The following MYO9A variants were observed in gnomAD, a reference collection of about 807,000 sequenced individuals.
MYO9A encodes unconventional myosin-IXa.
MYO9A carries 103 observed loss-of-function variants against 293.3 expected under a neutral mutation model. The ratio of observed to expected loss-of-function variants is 0.35; its 90% CI spans 0.30 to 0.41. MYO9A has a LOEUF of 0.41. Among genes scored for constraint, MYO9A ranks in the 10% least tolerant of loss-of-function variants. The pLI is 1.00. For synonymous variants in MYO9A, 1,001 were observed against 1,035.7 expected, an observed-to-expected ratio of 0.97 and a Z score of 0.64; for missense variants, 2,685 against 3,033.0, an observed-to-expected ratio of 0.89 and a Z score of 2.69.
chr15:71,857,905 T>C (rs906820472), intron 34 of MYO9A, among the ~76,000 whole-genome samples: 3 of 152,226 alleles, frequency 2.0e-5, no homozygotes, highest in African/African-American at 7.2e-5. Flanking sequence ...CAAACAAATT[T>C]ACAAGGAAAA....
intron 1 of MYO9A, among the ~76,000 whole-genome samples, chr15:72,091,796 C>T (rs2079921121): frequency 6.6e-6 from 1 of 151,314 alleles, no homozygotes; most frequent in Non-Finnish European, 1.5e-5. Flanking sequence ...TCACTGCAAG[C>T]TCCGCCTCCC....
intron 6 of MYO9A, among the ~76,000 whole-genome samples, chr15:72,016,782 T>A (rs567110781): frequency 1.3e-5 from 2 of 152,118 alleles, no homozygotes. Context: ...AAGAGGAGAT[T>A]ATGGCTACAA....
At chr15:71,985,200 G>A (rs1220176844) in intron 11 of MYO9A, among the ~76,000 whole-genome samples, 1 of 152,224 alleles carries the variant, frequency 6.6e-6, no homozygotes, top group South Asian at 2.1e-4. Flanking sequence ...GATTACAGAC[G>A]TGAGCCACCA....
chr15:71,883,674 C>G lies in MYO9A; in HGVS notation c.5318G>C (p.Arg1773Thr). The G allele has an allele frequency of 6.2e-7, 1 of 1,613,538 alleles. No homozygotes were observed. The highest frequency in any genetic ancestry group is 8.5e-7 in the Non-Finnish European group (1 of 1,179,658). Residue 1773 changes from arginine to threonine, a missense_variant, in exon 28 of 42, where the codon AGA becomes ACA. Around this residue, in one of 10 missense-constraint regions of MYO9A, gnomAD observed 1,434 missense variants for 1,497.7 expected, o/e 0.96. Transcript: ENST00000356056. ...CTCTGACTGGGTAGTAGGTTTCACT[C>G]TGGTAGTCTTCTTCTCCCCTTGTTT... Reference protein sequence around the residue: ...KGKQGEKKTTRVKPTTQSEVS... With the variant: ...KGKQGEKKTTTVKPTTQSEVS...
rs774825617 is a variant in MYO9A, at chr15:71,880,399, T to G, written c.5558A>C (p.Asp1853Ala). ...VALDSMHWQN[D>A]SVQIIASVSD... The stretch of plus-strand genomic sequence containing the variant: ...GACACTTGCTATGATCTGGACAGAG[T>G]CATTTTGCCAATGCATAGAATCCAA... Residue 1853 changes from aspartate to alanine, a missense_variant, in exon 29 of 42, where the codon GAC becomes GCC. This residue lies in a region of MYO9A where 1,434 missense variants were observed against 1,497.7 expected (regional missense o/e 0.96). Coordinates refer to ENST00000356056, the MANE Select transcript of MYO9A (RefSeq NM_006901.4). 6.2e-7 allele frequency: 1 copy of G among 1,614,180 alleles called. No individual in the cohort carries two copies. The highest frequency in any genetic ancestry group is 1.6e-4 in the Middle Eastern group (1 of 6,062).
chr15:72,044,056 A>C (rs1312426083), intron 2 of MYO9A, among the ~76,000 whole-genome samples: 3 of 151,848 alleles, frequency 2.0e-5, no homozygotes, highest in Middle Eastern at 3.4e-3. Context: ...TGTATGCATT[A>C]CCTCACAATA....
intron 18 of MYO9A, among the ~76,000 whole-genome samples, chr15:71,918,914 T>A (rs963443376): frequency 3.9e-5 from 6 of 152,208 alleles, no homozygotes; most frequent in African/African-American, 1.4e-4. Context: ...TCATTCCAAT[T>A]TTTTTCATTT....
intron 1 of MYO9A, among the ~76,000 whole-genome samples, chr15:72,077,741 A>T (rs1445649643): frequency 9.9e-5 from 3 of 30,332 alleles, no homozygotes; most frequent in African/African-American, 3.2e-4. Context: ...AAGAAAAAAA[A>T]AAAAAAAAAA....
intron 13 of MYO9A, among the ~76,000 whole-genome samples, chr15:71,964,736 G>A (rs1049683399): frequency 1.3e-5 from 2 of 151,766 alleles, no homozygotes; most frequent in Admixed American, 6.6e-5. Flanking sequence ...GCAGTGAGCC[G>A]AGATCGCGCC....
chr15:72,060,606 G>A (rs1360596999), intron 1 of MYO9A, among the ~76,000 whole-genome samples: 1 of 152,102 alleles, frequency 6.6e-6, no homozygotes, highest in Non-Finnish European at 1.5e-5. Flanking sequence ...GCAGCACAGG[G>A]CAGAATTCAG....
intron 32 of MYO9A, among the ~76,000 whole-genome samples, chr15:71,872,746 C>T (rs2056554164): frequency 6.6e-6 from 1 of 152,120 alleles, no homozygotes; most frequent in South Asian, 2.1e-4. Flanking sequence ...TATCAGTATA[C>T]TCCCAGATAT....
At chr15:71,956,330 A>ATTATATATATATAT (rs1555490831) in intron 14 of MYO9A, among the ~76,000 whole-genome samples, 39 of 75,582 alleles carry the variant, frequency 5.2e-4, no homozygotes, top group East Asian at 2.5e-3. Context: ...AAAAAAAAAA[A>ATTATATATATATAT]ATATATATAT....
chr15:71,904,213 A>G (rs2057563921), intron 20 of MYO9A, among the ~76,000 whole-genome samples, 174 bp from the exon 21 acceptor site: 1 of 152,212 alleles, frequency 6.6e-6, no homozygotes, highest in Non-Finnish European at 1.5e-5. Context: ...TAGCTTCAGA[A>G]AAGTTCTGAC....
chr15:71,865,968 T>C (rs148517264), intron 32 of MYO9A, among the ~76,000 whole-genome samples: 1,908 of 152,324 alleles, frequency 0.013, 56 homozygotes, highest in Admixed American at 0.057. Context: ...GAATCAAAAC[T>C]TAATATAATT....
At chr15:72,066,938 TAAAAG>T (rs2079039734) in intron 1 of MYO9A, among the ~76,000 whole-genome samples, 1 of 151,376 alleles carries the variant, frequency 6.6e-6, no homozygotes, top group Admixed American at 6.6e-5. Flanking sequence ...AAAAAAGAAA[TAAAAG>T]AGATTGGTTA....
At chr15:71,988,556 G>A (rs1030143461) in intron 11 of MYO9A, among the ~76,000 whole-genome samples, 3 of 152,134 alleles carry the variant, frequency 2.0e-5, no homozygotes, top group South Asian at 4.1e-4. Flanking sequence ...ATATTGTCAT[G>A]CTATTGTTAA....
At chr15:72,000,550 C>T (rs2076833822) in intron 8 of MYO9A, among the ~76,000 whole-genome samples, 1 of 152,196 alleles carries the variant, frequency 6.6e-6, no homozygotes, top group Non-Finnish European at 1.5e-5. Flanking sequence ...TTCATAAACA[C>T]TATGCTATAC....
chr15:71,851,178 T>C (rs2055632015), intron 37 of MYO9A, 75 bp downstream of exon 37: 1 of 1,167,012 alleles, frequency 8.6e-7, no homozygotes, highest in Non-Finnish European at 1.2e-6. Context: ...GTCTTCCAAA[T>C]GGAGAAATTC....
Position 71,938,748 on chromosome 15 carries a change from A to C in MYO9A, c.2378+104T>G, listed in dbSNP as rs2058698542. 6.2e-6 allele frequency: 6 copies of C among 970,256 alleles called. No individual in the cohort carries two copies. In the East Asian group the frequency reaches 1.6e-4, roughly 26 times the overall value. The allele number at this position is 970,256 out of a possible 1,614,324, so 60.1% of individuals were successfully genotyped here. On this transcript the variant is annotated intron_variant, in intron 16 of 41. Coordinates refer to ENST00000356056, the MANE Select transcript of MYO9A (RefSeq NM_006901.4). Reference sequence around the variant, plus strand: ...AAGGATTCAAGAAATAAAAAAACAAAACAAGCCTGAATTACTTCAAACTTT... The same window carrying C: ...AAGGATTCAAGAAATAAAAAAACAACACAAGCCTGAATTACTTCAAACTTT...
Sources: gnomAD v4.1 joint callset for allele counts (sites outside exome capture counted in the v4.1 genomes callset) on GRCh38, gnomAD v4.1.1 for gene constraint, gnomAD v4.1.1 regional missense constraint, MANE v1.5 for transcripts, NCBI Gene and HGNC (gene_info 2026-07-23, HGNC 2026-07-21) for gene names.